SEMA3C: variants seen among roughly 807,000 people sequenced by gnomAD.
SEMA3C encodes semaphorin-3C.
Under a neutral mutation model 89.4 loss-of-function variants are expected in SEMA3C, and 47 were observed. That is an observed-to-expected ratio of 0.53 (90% CI 0.42 to 0.67). SEMA3C has a LOEUF of 0.67. SEMA3C is among the 30% of genes least tolerant of loss of function. The pLI, the probability that SEMA3C is intolerant of heterozygous loss-of-function variation, is 0.00. For synonymous variants in SEMA3C, 310 were observed against 320.2 expected (o/e 0.97, Z 0.34); for missense variants, 839 against 929.1 (o/e 0.90, Z 1.26).
intron 16 of SEMA3C, among the ~76,000 whole-genome samples, chr7:80,750,505 C>G (rs918462380): frequency 7.2e-6 from 1 of 139,080 alleles, no homozygotes; most frequent in Non-Finnish European, 1.6e-5. Context: ...CACACACATA[C>G]ACACACACAC....
At chr7:80,877,725 T>C (rs1233852276) in intron 2 of SEMA3C, among the ~76,000 whole-genome samples, 2 of 152,250 alleles carry the variant, frequency 1.3e-5, no homozygotes, top group African/African-American at 4.8e-5. Context: ...TATTTTCTCA[T>C]CTAGTCTTTG....
At chr7:80,885,314 G>T (rs963215908) in intron 2 of SEMA3C, among the ~76,000 whole-genome samples, 8 of 151,816 alleles carry the variant, frequency 5.3e-5, no homozygotes, top group African/African-American at 1.9e-4. Context: ...AATAGTTTTT[G>T]CCTTCTTAAA....
intron 2 of SEMA3C, among the ~76,000 whole-genome samples, chr7:80,865,688 G>A (rs917688914): frequency 2.0e-5 from 3 of 152,070 alleles, no homozygotes; most frequent in East Asian, 1.9e-4. Context: ...TCAGCTATTC[G>A]GGAGGCTGAG....
intron 2 of SEMA3C, among the ~76,000 whole-genome samples, chr7:80,914,085 A>G (rs924668362): frequency 6.6e-6 from 1 of 152,202 alleles, no homozygotes; most frequent in Non-Finnish European, 1.5e-5. Flanking sequence ...GAGATATAAA[A>G]CAAGTAATGC....
intron 17 of SEMA3C, among the ~76,000 whole-genome samples, chr7:80,748,447 A>C (rs1787848396): frequency 6.6e-6 from 1 of 152,220 alleles, no homozygotes; most frequent in African/African-American, 2.4e-5. Context: ...AAACAATGGA[A>C]ACAGATTACC....
intron 2 of SEMA3C, among the ~76,000 whole-genome samples, chr7:80,913,244 T>C (rs1792194347): frequency 6.6e-6 from 1 of 151,798 alleles, no homozygotes; most frequent in South Asian, 2.1e-4. Flanking sequence ...CTACTAAAAG[T>C]ACAAAAATTA....
chr7:80,750,515 CATT>C (rs1410589139), intron 16 of SEMA3C, among the ~76,000 whole-genome samples: 1 of 140,940 alleles, frequency 7.1e-6, no homozygotes, highest in East Asian at 2.0e-4. Context: ...CACACACACA[CATT>C]ATATATATGC....
chr7:80,816,741 T>C (rs996668814), intron 5 of SEMA3C, among the ~76,000 whole-genome samples: 1 of 152,222 alleles, frequency 6.6e-6, no homozygotes, highest in Non-Finnish European at 1.5e-5. Flanking sequence ...GATTCATTAA[T>C]GAAACTGCTT....
At chr7:80,862,793 C>T (rs529347978) in intron 2 of SEMA3C, among the ~76,000 whole-genome samples, 3 of 152,216 alleles carry the variant, frequency 2.0e-5, no homozygotes, top group South Asian at 4.2e-4. Flanking sequence ...AACCCAAATA[C>T]TTACAGTCAA....
At chr7:80,900,674 G>A (rs1791856578) in intron 2 of SEMA3C, among the ~76,000 whole-genome samples, 1 of 152,180 alleles carries the variant, frequency 6.6e-6, no homozygotes, top group Non-Finnish European at 1.5e-5. Context: ...AGGTTGTGCA[G>A]AAGGGAATCA....
intron 4 of SEMA3C, among the ~76,000 whole-genome samples, chr7:80,824,295 T>G (rs1789821675): frequency 6.6e-6 from 1 of 152,094 alleles, no homozygotes; most frequent in Non-Finnish European, 1.5e-5. Flanking sequence ...ATATAATAAA[T>G]GCACTACAAA....
At chr7:80,753,280 A>T (rs961633977) in intron 15 of SEMA3C, among the ~76,000 whole-genome samples, 3 of 152,238 alleles carry the variant, frequency 2.0e-5, no homozygotes, top group Non-Finnish European at 4.4e-5. Context: ...TTTTTACTGC[A>T]TAACATTTGC....
At chr7:80,891,296 C>T (rs1371244815) in intron 2 of SEMA3C, among the ~76,000 whole-genome samples, 1 of 152,146 alleles carries the variant, frequency 6.6e-6, no homozygotes, top group Non-Finnish European at 1.5e-5. Context: ...AAACTCCTGA[C>T]ATAGGTCCAT....
chr7:80,882,065 G>C (rs190321548), intron 2 of SEMA3C, among the ~76,000 whole-genome samples: 3 of 152,138 alleles, frequency 2.0e-5, no homozygotes, highest in Non-Finnish European at 4.4e-5. Context: ...AAGTGCCCAC[G>C]TTCCTTCACT....
chr7:80,797,796 G>C (rs1350947994), intron 11 of SEMA3C, among the ~76,000 whole-genome samples: 1 of 152,096 alleles, frequency 6.6e-6, no homozygotes. Context: ...TCAGGAGTTC[G>C]AGACCAGCCT....
chr7:80,876,290 T>A (rs1791201442), intron 2 of SEMA3C, among the ~76,000 whole-genome samples: 1 of 152,190 alleles, frequency 6.6e-6, no homozygotes, highest in East Asian at 1.9e-4. Flanking sequence ...TTAAGTATAT[T>A]AAGTATTTGC....
At chr7:80,806,449 G>C (rs902325046) in intron 6 of SEMA3C, among the ~76,000 whole-genome samples, 4 of 152,064 alleles carry the variant, frequency 2.6e-5, no homozygotes, top group African/African-American at 7.2e-5. Flanking sequence ...TTTAGTGCTA[G>C]AAGTTTCCTG....
chr7:80,842,443 CAA>C (rs1204540868), intron 2 of SEMA3C, among the ~76,000 whole-genome samples: 1 of 152,078 alleles, frequency 6.6e-6, no homozygotes, highest in Middle Eastern at 3.2e-3. Flanking sequence ...ATATGAGACT[CAA>C]AGTTTATTTA....
At chr7:80,771,914 G>A (rs1008814175) in intron 12 of SEMA3C, among the ~76,000 whole-genome samples, 1 of 152,060 alleles carries the variant, frequency 6.6e-6, no homozygotes, top group South Asian at 2.1e-4. Context: ...AGGCAGCCCC[G>A]TACACGATAT....
Sources: allele counts gnomAD v4.1 joint callset (sites outside exome capture counted in the v4.1 genomes callset), GRCh38; gene constraint gnomAD v4.1.1; transcripts MANE v1.5; gene names NCBI Gene and HGNC (gene_info 2026-07-23, HGNC 2026-07-21).